SHROOM3: variants seen among roughly 807,000 people sequenced by gnomAD.
The protein encoded by SHROOM3 is protein Shroom3.
SHROOM3 carries 47 observed loss-of-function variants against 138.6 expected under a neutral mutation model. The ratio of observed to expected loss-of-function variants is 0.34; its 90% CI spans 0.27 to 0.43. SHROOM3 has a LOEUF of 0.43. Ranked by LOEUF, SHROOM3 falls within the 20% of genes least tolerant of loss-of-function variation. The pLI is 1.00. For missense variants in SHROOM3, 2,491 were observed against 2,596.5 expected (o/e 0.96, Z 0.88); for synonymous variants, 1,062 against 1,063.3 (o/e 1.00, Z 0.02).
chr4:76,733,481 G>A (rs560039844), intron 4 of SHROOM3, among the ~76,000 whole-genome samples: 1 of 152,346 alleles, frequency 6.6e-6, no homozygotes, highest in Admixed American at 6.5e-5. Flanking sequence ...AAATGTTACA[G>A]GCGTGTGCAT....
rs543478356 is a variant in SHROOM3 at position 76,489,329 on chromosome 4, G to C, written c.168+53109G>C. On this transcript the variant is annotated intron_variant, in intron 1 of 10. Transcript: ENST00000296043. ...GAAACTGACAAAGAAGTCAAATTAA[G>C]AGCAGTTAAAAGTTAAAGATGTAAA... Among the ~76,000 whole-genome samples, 3 of 152,254 alleles carry C rather than the reference G, an allele frequency of 2.0e-5. No homozygotes were observed. In the South Asian group the frequency reaches 6.2e-4, roughly 32 times the overall value.
At chr4:76,529,146 A>G (rs973822476) in intron 1 of SHROOM3, among the ~76,000 whole-genome samples, 1 of 152,098 alleles carries the variant, frequency 6.6e-6, no homozygotes, top group Non-Finnish European at 1.5e-5. Context: ...AAACCATGGG[A>G]AAAATTCAGA....
At chr4:76,479,120 T>C (rs1400168916) in intron 1 of SHROOM3, among the ~76,000 whole-genome samples, 1 of 151,852 alleles carries the variant, frequency 6.6e-6, no homozygotes, top group Non-Finnish European at 1.5e-5. Context: ...CAAAACTGGA[T>C]GGAGAATGAG....
intron 3 of SHROOM3, among the ~76,000 whole-genome samples, chr4:76,722,451 T>C (rs1240854029): frequency 1.3e-5 from 2 of 152,124 alleles, no homozygotes; most frequent in African/African-American, 4.8e-5. Flanking sequence ...GGGAGCTAAA[T>C]GATGAGAACA....
At chr4:76,764,909 T>A (rs1462428038) in intron 9 of SHROOM3, among the ~76,000 whole-genome samples, 1 of 152,214 alleles carries the variant, frequency 6.6e-6, no homozygotes, top group African/African-American at 2.4e-5. Flanking sequence ...AGCCATTCTG[T>A]CTTCAAATAT....
chr4:76,606,847 G>T (rs1464421201), intron 2 of SHROOM3, among the ~76,000 whole-genome samples: 1 of 152,266 alleles, frequency 6.6e-6, no homozygotes, highest in African/African-American at 2.4e-5. Flanking sequence ...GTAGCTGGCA[G>T]GAGTCCAAAA....
At chr4:76,636,255 A>G (rs1391505336) in intron 2 of SHROOM3, among the ~76,000 whole-genome samples, 1 of 152,228 alleles carries the variant, frequency 6.6e-6, no homozygotes, top group African/African-American at 2.4e-5. Flanking sequence ...TTCAAGAAAC[A>G]CCCAGCTATT....
intron 2 of SHROOM3, among the ~76,000 whole-genome samples, chr4:76,565,168 A>G (rs1733697428): frequency 6.6e-6 from 1 of 151,248 alleles, no homozygotes; most frequent in Non-Finnish European, 1.5e-5. Context: ...TTCAAAAAAA[A>G]AAAAAAAAAA....
intron 2 of SHROOM3, among the ~76,000 whole-genome samples, chr4:76,659,730 C>G (rs1023090902): frequency 6.6e-6 from 1 of 152,076 alleles, no homozygotes; most frequent in Non-Finnish European, 1.5e-5. Flanking sequence ...TACAGGTGTG[C>G]GCCACCACAC....
At chr4:76,748,992 T>C in intron 5 of SHROOM3, 25 bp from the exon 6 acceptor site, 1 of 1,612,080 alleles carries the variant, frequency 6.2e-7, no homozygotes, top group Non-Finnish European at 8.5e-7. Context: ...TTGGCAGTAA[T>C]GCTGTGCCTT....
In SHROOM3 at chr4:76,693,378, T is replaced by TTGTTTG. The variant is rs1553937643; in HGVS notation, c.324-16777_324-16776insGTTTGT. Among the ~76,000 whole-genome samples, 97 of 132,196 alleles carry TTGTTTG rather than the reference T, an allele frequency of 7.3e-4. 1 individual carries two copies. The highest frequency in any genetic ancestry group is 3.7e-3 in the Middle Eastern group (1 of 270). 86.7% of individuals were successfully genotyped at this position (132,196 alleles called of 152,430 possible). Reference sequence around the variant, plus strand: ...TTCATTTTGATAAGTTTGTTTTTTTTTTTTTTTTTTTTTTTAAAGCAACAA... The same window carrying TTGTTTG: ...TTCATTTTGATAAGTTTGTTTTTTTTTGTTTGTTTTTTTTTTTTTTTAAAGCAACAA... On this transcript the variant is annotated intron_variant, in intron 2 of 10. Coordinates refer to ENST00000296043, the MANE Select transcript of SHROOM3 (RefSeq NM_020859.4).
rs371470610 is a variant in SHROOM3 at position 76,505,435 on chromosome 4, A to G, written c.169-50174A>G. On this transcript the variant is annotated intron_variant, in intron 1 of 10. Coordinates refer to ENST00000296043, the MANE Select transcript of SHROOM3 (RefSeq NM_020859.4). The stretch of plus-strand genomic sequence containing the variant: ...TGACTCAGCTCTGGGACCCAACACT[A>G]CAACCCTTCTCCAGGCATGGCTGTA... Among the ~76,000 whole-genome samples, 17 of 152,274 alleles carry G rather than the reference A, an allele frequency of 1.1e-4. No homozygotes were observed. In the East Asian group the frequency reaches 2.7e-3, roughly 24 times the overall value.
intron 2 of SHROOM3, among the ~76,000 whole-genome samples, chr4:76,690,232 C>T (rs572882426): frequency 6.6e-6 from 1 of 152,112 alleles, no homozygotes. Context: ...ACCTGACGCT[C>T]GCTTTACTCC....
chr4:76,667,222 G>T (rs905949608), intron 2 of SHROOM3, among the ~76,000 whole-genome samples: 3 of 152,130 alleles, frequency 2.0e-5, no homozygotes, highest in Admixed American at 2.0e-4. Context: ...GCTGGTGATG[G>T]TTGCACAACA....
chr4:76,498,292 C>G (rs1218660209), intron 1 of SHROOM3, among the ~76,000 whole-genome samples: 2 of 152,130 alleles, frequency 1.3e-5, no homozygotes, highest in Non-Finnish European at 2.9e-5. Context: ...TGTATGCGTA[C>G]TTTCCTAGAA....
intron 2 of SHROOM3, among the ~76,000 whole-genome samples, chr4:76,608,125 G>T (rs1245997788): frequency 6.6e-6 from 1 of 152,160 alleles, no homozygotes; most frequent in Non-Finnish European, 1.5e-5. Flanking sequence ...GCCTCATATG[G>T]GCTGGTTGTG....
chr4:76,735,859 AAAAAAAAAAATATATAT>A (rs1721039062), intron 4 of SHROOM3, among the ~76,000 whole-genome samples: 1 of 25,482 alleles, frequency 3.9e-5, no homozygotes, highest in African/African-American at 1.2e-4. Flanking sequence ...AAAAAAAAAA[AAAAAAAAAAATATATAT>A]ATATATATAT....
At chr4:76,475,094 A>T (rs1160263835) in intron 1 of SHROOM3, among the ~76,000 whole-genome samples, 2 of 152,136 alleles carry the variant, frequency 1.3e-5, no homozygotes, top group African/African-American at 4.8e-5. Flanking sequence ...TAGGGAATAC[A>T]TATGATTTTA....
Position 76,739,300 on chromosome 4 carries a change from T to C in SHROOM3, c.1127T>C (p.Leu376Pro). 6.2e-7 allele frequency: 1 copy of C among 1,613,978 alleles called. No homozygotes were observed. The highest frequency in any genetic ancestry group is 1.3e-5 in the African/African-American group (1 of 75,036). Reference protein sequence around the residue: ...PSSLETATDNLPPKVGAPLPP... With the variant: ...PSSLETATDNPPPKVGAPLPP... ...TCCTTGGAGACTGCCACGGACAACC[T>C]TCCTCCTAAGGTGGGTGCACCCCTG... The change falls in exon 5 of 11, where the codon CTT (leucine) becomes CCT (proline). Residue 376 changes from leucine to proline, a missense_variant. Physicochemically the swap from Leu to Pro is moderately conservative, Grantham distance 98. Coordinates refer to ENST00000296043, the MANE Select transcript of SHROOM3 (RefSeq NM_020859.4).
Sources: gnomAD v4.1 joint callset for allele counts (sites outside exome capture counted in the v4.1 genomes callset) on GRCh38, gnomAD v4.1.1 for gene constraint, MANE v1.5 for transcripts, NCBI Gene and HGNC (gene_info 2026-07-23, HGNC 2026-07-21) for gene names.